Variants in PLEKHG3 observed in about 807,000 individuals in gnomAD.
The protein encoded by PLEKHG3 is pleckstrin homology domain-containing family G member 3.
In PLEKHG3, 62 loss-of-function variants were observed where a neutral mutation model predicts 94.9. That is an observed-to-expected ratio of 0.65 (90% CI 0.53 to 0.81). The LOEUF is 0.81. Among genes scored for constraint, PLEKHG3 ranks in the 30% least tolerant of loss-of-function variants. The pLI, the probability that PLEKHG3 is intolerant of heterozygous loss-of-function variation, is 0.00. For missense variants in PLEKHG3, 1,461 were observed against 1,619.3 expected, an observed-to-expected ratio of 0.90 and a Z score of 1.68; for synonymous variants, 614 against 654.0, an observed-to-expected ratio of 0.94 and a Z score of 0.93.
Position 64,732,669 on chromosome 14 carries a change from G to A in PLEKHG3, c.1247-134G>A, listed in dbSNP as rs1330366370. On this transcript the variant is annotated intron_variant, in intron 11 of 16. Transcript: ENST00000247226. This position sits in a 1 kb window ranked among gnomAD's most constrained non-coding sequence, Gnocchi z 4.9. ...CAGTGCCTGAAGCTCCCAGCTGGAA[G>A]ATGGAGGGAGCTCTGGAGGCTCCTG... 1.6e-5 allele frequency: 12 copies of A among 757,030 alleles called. No homozygotes were observed. The highest frequency in any genetic ancestry group is 2.4e-5 in the Non-Finnish European group (11 of 449,258). 46.9% of individuals were successfully genotyped at this position (757,030 alleles called of 1,614,324 possible).
rs1424765914 is a variant in PLEKHG3, at chr14:64,738,460, G to T, written c.1405-282G>T. Among the ~76,000 whole-genome samples the T allele has an allele frequency of 6.6e-6, 1 of 152,220 alleles. No homozygotes were observed. Among genetic ancestry groups the T allele is most frequent in the Non-Finnish European group, 1.5e-5 (1 of 68,038 alleles). On this transcript the variant is annotated intron_variant, in intron 14 of 16. Transcript: ENST00000247226. The surrounding 1 kb of genome is among the most constrained non-coding windows in gnomAD (Gnocchi z 4.8). ...CAAGCATGACAAGTGGGGTGGGGTG[G>T]TGGGGGCAGGGAGAAGCTAGCACAC...
At chr14:64,710,068 G>C (rs1266572865) in intron 1 of PLEKHG3, among the ~76,000 whole-genome samples, 2 of 152,190 alleles carry the variant, frequency 1.3e-5, no homozygotes, top group African/African-American at 2.4e-5. Flanking sequence ...ATTGGGACCT[G>C]TCTTCCAAAG....
At position 64,728,090 on chromosome 14, in the gene PLEKHG3, G is replaced by T; in HGVS notation, c.351+108G>T. On this transcript the variant is annotated intron_variant, in intron 2 of 16. Transcript: ENST00000247226. The surrounding 1 kb of genome is among the most constrained non-coding windows in gnomAD (Gnocchi z 5.9). ...CCCATAAAGTAGTTGGAGAACTGGG[G>T]TCTCCCACCCTCGCTGACTGCACTG... 5 of 713,916 alleles carry T rather than the reference G, an allele frequency of 7.0e-6. No homozygotes were observed. The highest frequency in any genetic ancestry group is 1.1e-5 in the Non-Finnish European group (5 of 444,430). The allele number at this position is 713,916 out of a possible 1,614,324, so 44.2% of individuals were successfully genotyped here.
rs899008243 is a variant in PLEKHG3 at position 64,728,953 on chromosome 14, G to A, written c.352-43G>A. 1 of 766,900 alleles carries A rather than the reference G, an allele frequency of 1.3e-6. No homozygotes were observed. The highest frequency in any genetic ancestry group is 2.2e-6 in the Non-Finnish European group (1 of 451,608). 47.5% of individuals were successfully genotyped at this position (766,900 alleles called of 1,614,324 possible). ...TGTGGCTAGGGAAGGTAGTGGGCAGGGTTGTGCCGGGGGCTAGGTTCTGAC... is the reference window on the plus strand; with the variant it reads ...TGTGGCTAGGGAAGGTAGTGGGCAGAGTTGTGCCGGGGGCTAGGTTCTGAC... On this transcript the variant is annotated intron_variant, in intron 2 of 16. Transcript: ENST00000247226. This position sits in a 1 kb window ranked among gnomAD's most constrained non-coding sequence, Gnocchi z 5.9.
Position 64,749,520 on chromosome 14 carries a change from C to T in PLEKHG3, c.*5817C>T, listed in dbSNP as rs574995596. On this transcript the variant is annotated 3_prime_UTR_variant, in exon 17 of 17. Coordinates refer to ENST00000247226, the MANE Select transcript of PLEKHG3 (RefSeq NM_001308147.2). This position sits in a 1 kb window ranked among gnomAD's most constrained non-coding sequence, Gnocchi z 4.7. ...TGGAGTCTGGAGGCCCACAGCCCCC[C>T]ACCTCCCGGGCCAGGCAACAATGGT... is the stretch of plus-strand genomic sequence containing the variant. 4.1e-5 allele frequency: 65 copies of T among 1,597,672 alleles called. No homozygotes were observed. The highest frequency in any genetic ancestry group is 1.8e-4 in the Middle Eastern group (1 of 5,682).
chr14:64,731,999 C>G lies in PLEKHG3; in HGVS notation c.1126-96C>G. 3 of 981,218 alleles carry G rather than the reference C, an allele frequency of 3.1e-6. No individual in the cohort carries two copies. The highest frequency in any genetic ancestry group is 2.1e-4 in the Middle Eastern group (1 of 4,746). 60.8% of individuals were successfully genotyped at this position (981,218 alleles called of 1,614,324 possible). On this transcript the variant is annotated intron_variant, in intron 9 of 16. Transcript: ENST00000247226. This position sits in a 1 kb window ranked among gnomAD's most constrained non-coding sequence, Gnocchi z 6.1. The stretch of plus-strand genomic sequence containing the variant: ...AACCTCACAGAGGCCCCAGCATGGC[C>G]CCACTTTTTCTCCCTGGGTGGAAGC...
Position 64,732,759 on chromosome 14 carries a change from C to T in PLEKHG3, c.1247-44C>T, listed in dbSNP as rs2081493254. 1 of 1,474,402 alleles carries T rather than the reference C, an allele frequency of 6.8e-7. No individual in the cohort carries two copies. The highest frequency in any genetic ancestry group is 1.4e-5 in the African/African-American group (1 of 72,406). The allele number at this position is 1,474,402 out of a possible 1,614,324, so 91.3% of individuals were successfully genotyped here. Reference sequence around the variant, plus strand: ...GGACAGGGTCTAGGGTAGGCCAAGGCCAATTGGGAATCAAAAGCTTGATCG... The same window carrying T: ...GGACAGGGTCTAGGGTAGGCCAAGGTCAATTGGGAATCAAAAGCTTGATCG... On this transcript the variant is annotated intron_variant, in intron 11 of 16. Coordinates refer to ENST00000247226, the MANE Select transcript of PLEKHG3 (RefSeq NM_001308147.2). The surrounding 1 kb of genome is among the most constrained non-coding windows in gnomAD (Gnocchi z 4.9).
chr14:64,749,251 T>A lies in PLEKHG3; in HGVS notation c.*5548T>A. On this transcript the variant is annotated 3_prime_UTR_variant, in exon 17 of 17. Coordinates refer to ENST00000247226, the MANE Select transcript of PLEKHG3 (RefSeq NM_001308147.2). This position sits in a 1 kb window ranked among gnomAD's most constrained non-coding sequence, Gnocchi z 4.7. ...GCGGCGGCGAGAGGAGGCCAAGGCC[T>A]GGGCTGCCCGGTCTCTGCGCGTCCC... is the stretch of plus-strand genomic sequence containing the variant. 6.5e-7 allele frequency: 1 copy of A among 1,535,008 alleles called. No individual in the cohort carries two copies. Among genetic ancestry groups the A allele is most frequent in the Non-Finnish European group, 8.7e-7 (1 of 1,145,368 alleles).
chr14:64,737,118 C>A, intron 13 of PLEKHG3: 1 of 645,088 alleles, frequency 1.6e-6, no homozygotes, highest in Non-Finnish European at 2.8e-6. Context: ...CCTCCGGAAA[C>A]AATGAGAGCC....
rs2081795441 is a variant in PLEKHG3 at position 64,744,633 on chromosome 14, C to T, written c.*930C>T. The T allele has an allele frequency of 6.6e-6, 1 of 151,442 alleles. No individual in the cohort carries two copies. The highest frequency in any genetic ancestry group is 1.5e-5 in the Non-Finnish European group (1 of 67,986). 9.4% of individuals were successfully genotyped at this position (151,442 alleles called of 1,614,324 possible). A position where few individuals can be genotyped will look rare whatever the true frequency, so the allele number is the denominator to read the frequency against. Reference sequence around the variant, plus strand: ...CCGCATGCCAGCCTTTTGCTCTTTTCCCCAAGGGCCAGAGTTGGACCAAGA... The same window carrying T: ...CCGCATGCCAGCCTTTTGCTCTTTTTCCCAAGGGCCAGAGTTGGACCAAGA... On this transcript the variant is annotated 3_prime_UTR_variant, in exon 17 of 17. Transcript: ENST00000247226.
chr14:64,742,162 G>A lies in PLEKHG3; in HGVS notation c.2645G>A (p.Arg882Gln), dbSNP rs775950748. The change falls in exon 16 of 17, where the codon CGG (arginine) becomes CAG (glutamine). Residue 882 changes from arginine to glutamine, a missense_variant. Around this residue, in one of 3 missense-constraint regions of PLEKHG3, gnomAD observed 1,201 missense variants for 1,295.5 expected, o/e 0.93. Transcript: ENST00000247226. ...TEGRSPAHLA[R>Q]ELKELVKELS... ...GGGCGCAGCCCGGCCCACCTGGCCC[G>A]GGAGCTGAAAGAGCTGGTGAAGGAG... 28 of 1,612,246 alleles carry A rather than the reference G, an allele frequency of 1.7e-5. No individual in the cohort carries two copies. The highest frequency in any genetic ancestry group is 1.7e-4 in the Middle Eastern group (1 of 6,058).
At chr14:64,710,113 C>T (rs1372835648) in intron 1 of PLEKHG3, among the ~76,000 whole-genome samples, 3 of 152,126 alleles carry the variant, frequency 2.0e-5, no homozygotes. Flanking sequence ...CAAGTTGGCC[C>T]CAAAGTGGAC....
rs1242552004 is a variant in PLEKHG3 at position 64,744,351 on chromosome 14, T to TGTGA, written c.*649_*652dup. 6.5e-6 allele frequency: 1 copy of TGTGA among 152,704 alleles called. No homozygotes were observed. Among genetic ancestry groups the TGTGA allele is most frequent in the African/African-American group, 2.4e-5 (1 of 41,456 alleles). The allele number at this position is 152,704 out of a possible 1,614,324, so 9.5% of individuals were successfully genotyped here. ...AACCACTGCTGACCAACCCACTATG[T>TGTGA]GTGAACTCCTTCCTAGGCTTGGCTG... On this transcript the variant is annotated 3_prime_UTR_variant, in exon 17 of 17. Coordinates refer to ENST00000247226, the MANE Select transcript of PLEKHG3 (RefSeq NM_001308147.2).
chr14:64,710,451 C>T (rs1263866647), intron 1 of PLEKHG3, among the ~76,000 whole-genome samples: 1 of 152,216 alleles, frequency 6.6e-6, no homozygotes, highest in Non-Finnish European at 1.5e-5. Flanking sequence ...CGGTGGATCA[C>T]CTGAGGTCGG....
rs2081822292 is a variant in PLEKHG3, at chr14:64,745,706, A to G, written c.*2003A>G. On this transcript the variant is annotated 3_prime_UTR_variant, in exon 17 of 17. Coordinates refer to ENST00000247226, the MANE Select transcript of PLEKHG3 (RefSeq NM_001308147.2). This position sits in a 1 kb window ranked among gnomAD's most constrained non-coding sequence, Gnocchi z 5.0. ...CTGCCCTGCGCTGCTTCTGCTCAAG[A>G]GAGGTTGTCACTAGCCTCTGATCTT... The G allele has an allele frequency of 6.6e-6, 1 of 152,234 alleles. No individual in the cohort carries two copies. The highest frequency in any genetic ancestry group is 2.1e-4 in the South Asian group (1 of 4,830). 9.4% of individuals were successfully genotyped at this position (152,234 alleles called of 1,614,324 possible). A position where few individuals can be genotyped will look rare whatever the true frequency, so the allele number is the denominator to read the frequency against.
rs2081270330 is a variant in PLEKHG3, at chr14:64,722,012, C to T, written c.-39-5581C>T. On this transcript the variant is annotated intron_variant, in intron 1 of 16. Coordinates refer to ENST00000247226, the MANE Select transcript of PLEKHG3 (RefSeq NM_001308147.2). This position sits in a 1 kb window ranked among gnomAD's most constrained non-coding sequence, Gnocchi z 4.3. ...TTTTTCTGGAAAAGTTATAGCTTTT[C>T]TCTATTGCTTCCTTCTGGCACCCTT... Among the ~76,000 whole-genome samples, 1 of 152,170 alleles carries T rather than the reference C, an allele frequency of 6.6e-6. No homozygotes were observed. The highest frequency in any genetic ancestry group is 2.4e-5 in the African/African-American group (1 of 41,436).
chr14:64,740,112 G>C (rs1305885464), intron 15 of PLEKHG3, among the ~76,000 whole-genome samples: 1 of 152,090 alleles, frequency 6.6e-6, no homozygotes, highest in African/African-American at 2.4e-5. Context: ...TTGCAATCTG[G>C]TGTGTATTTT....
chr14:64,732,395 GTAA>G lies in PLEKHG3; in HGVS notation c.1213-28_1213-26del, dbSNP rs1233940668. ...GCAGGGAAGGCCGGCACATGGTAAGGTAATAACCAGGTGTGTTTCCTTCCCCTT... is the reference window on the plus strand; with the variant it reads ...GCAGGGAAGGCCGGCACATGGTAAGGTAACCAGGTGTGTTTCCTTCCCCTT... On this transcript the variant is annotated intron_variant, in intron 10 of 16. Coordinates refer to ENST00000247226, the MANE Select transcript of PLEKHG3 (RefSeq NM_001308147.2). This position sits in a 1 kb window ranked among gnomAD's most constrained non-coding sequence, Gnocchi z 4.9. 3.1e-6 allele frequency: 5 copies of G among 1,601,166 alleles called. No individual in the cohort carries two copies. The African/African-American group carries it at 6.7e-5, about 21-fold the overall frequency.
Position 64,730,326 on chromosome 14 carries a change from G to C in PLEKHG3, c.519+14G>C, listed in dbSNP as rs954322866. The C allele has an allele frequency of 1.3e-5, 19 of 1,504,732 alleles. No individual in the cohort carries two copies. Among genetic ancestry groups the C allele is most frequent in the African/African-American group, 1.4e-5 (1 of 72,350 alleles). 93.2% of individuals were successfully genotyped at this position (1,504,732 alleles called of 1,614,324 possible). A position where few individuals can be genotyped will look rare whatever the true frequency, so the allele number is the denominator to read the frequency against. On this transcript the variant is annotated intron_variant, in intron 4 of 16. Coordinates refer to ENST00000247226, the MANE Select transcript of PLEKHG3 (RefSeq NM_001308147.2). This position sits in a 1 kb window ranked among gnomAD's most constrained non-coding sequence, Gnocchi z 5.4. ...TTTGTGGAAAGGGTAAGAAGGGCTG[G>C]GTCCTTGCCTCTGTCCTACCTTGCT...
Sources: allele counts gnomAD v4.1 joint callset (sites outside exome capture counted in the v4.1 genomes callset), GRCh38; gene constraint gnomAD v4.1.1; regional missense constraint gnomAD v4.1.1; non-coding constraint Gnocchi (gnomAD v3.1); transcripts MANE v1.5; gene names NCBI Gene and HGNC (gene_info 2026-07-23, HGNC 2026-07-21).